The following DYNC1LI1 variants were observed in gnomAD, a reference collection of about 807,000 sequenced individuals.
DYNC1LI1 encodes the protein cytoplasmic dynein 1 light intermediate chain 1.
A neutral mutation model predicts 63.8 loss-of-function variants in DYNC1LI1; 19 were observed. The ratio of observed to expected loss-of-function variants is 0.30; its 90% CI spans 0.21 to 0.44. DYNC1LI1 has a LOEUF of 0.44. Ranked by LOEUF, DYNC1LI1 falls within the 20% of genes least tolerant of loss-of-function variation. The probability of loss-of-function intolerance (pLI) is 1.00; values close to 1 mark genes in which losing one functional copy is unlikely to be tolerated. For synonymous variants in DYNC1LI1, 225 were observed against 232.3 expected, an observed-to-expected ratio of 0.97 and a Z score of 0.28; for missense variants, 565 against 630.2, an observed-to-expected ratio of 0.90 and a Z score of 1.11.
intron 7 of DYNC1LI1, 141 bp from the exon 8 acceptor site, chr3:32,533,238 C>T: frequency 7.7e-7 from 1 of 1,305,350 alleles, no homozygotes; most frequent in Non-Finnish European, 9.8e-7. Context: ...ATTATGATGT[C>T]CACGTTTTAC....
rs58724831 is a variant in DYNC1LI1 at position 32,537,971 on chromosome 3, T to TAATTTATATATATAATATATATATA, written c.739-868_739-867insTATATATATATTATATATATAAATT. Among the ~76,000 whole-genome samples the TAATTTATATATATAATATATATATA allele has an allele frequency of 3.4e-4, 12 of 34,892 alleles. 2 individuals carry two copies. The highest frequency in any genetic ancestry group is 1.5e-3 in the East Asian group (2 of 1,332). 22.9% of individuals were successfully genotyped at this position (34,892 alleles called of 152,430 possible). A position where few individuals can be genotyped will look rare whatever the true frequency, so the allele number is the denominator to read the frequency against. On this transcript the variant is annotated intron_variant, in intron 5 of 12. Transcript: ENST00000273130. ...ATAATTTATATATATAATATATATA[T>TAATTTATATATATAATATATATATA]ATTTATATATAATATATATATATAA...
intron 2 of DYNC1LI1, among the ~76,000 whole-genome samples, chr3:32,558,738 A>C (rs1698150110): frequency 6.6e-6 from 1 of 151,926 alleles, no homozygotes; most frequent in Non-Finnish European, 1.5e-5. Flanking sequence ...CCAGCTACTC[A>C]GGAAGGCTGA....
At chr3:32,556,199 C>G (rs552796189) in intron 2 of DYNC1LI1, among the ~76,000 whole-genome samples, 7 of 152,192 alleles carry the variant, frequency 4.6e-5, no homozygotes, top group Non-Finnish European at 1.0e-4. Flanking sequence ...TTCCCCTCAC[C>G]TGGGAGAACG....
At chr3:32,570,121 C>CG in intron 2 of DYNC1LI1, 1 of 679,202 alleles carries the variant, frequency 1.5e-6, no homozygotes, top group East Asian at 2.8e-5. Flanking sequence ...CCCCATATAC[C>CG]GGGGAGGAGG....
chr3:32,540,575 G>A lies in DYNC1LI1; in HGVS notation c.738+462C>T, dbSNP rs1244994721. On this transcript the variant is annotated intron_variant, in intron 5 of 12. Transcript: ENST00000273130. Reference sequence around the variant, plus strand: ...GGGTGCCTGTAATCCCAGCTACTACGGAGGCTGAGGCAGGAGAATTGCTTT... The same window carrying A: ...GGGTGCCTGTAATCCCAGCTACTACAGAGGCTGAGGCAGGAGAATTGCTTT... Among the ~76,000 whole-genome samples the A allele has an allele frequency of 4.6e-5, 7 of 151,682 alleles. No individual in the cohort carries two copies. The East Asian group carries it at 9.7e-4, about 21-fold the overall frequency.
chr3:32,556,873 T>C (rs987443031), intron 2 of DYNC1LI1, among the ~76,000 whole-genome samples: 4 of 152,202 alleles, frequency 2.6e-5, no homozygotes, highest in Non-Finnish European at 5.9e-5. Context: ...CAATCTCTAT[T>C]TTCATAATAT....
chr3:32,554,863 ATTTTTTTTT>A (rs11434502), intron 2 of DYNC1LI1, among the ~76,000 whole-genome samples: 70 of 104,734 alleles, frequency 6.7e-4, no homozygotes, highest in Admixed American at 2.8e-3. Flanking sequence ...AAATTTTTGA[ATTTTTTTTT>A]TTTTTTTTTT....
intron 7 of DYNC1LI1, among the ~76,000 whole-genome samples, chr3:32,533,689 C>T (rs1193826444): frequency 6.6e-6 from 1 of 151,602 alleles, no homozygotes; most frequent in African/African-American, 2.4e-5. Context: ...CCTCAGCCTC[C>T]CAAGTAGCTG....
Position 32,544,980 on chromosome 3 carries a change from G to A in DYNC1LI1, c.464C>T (p.Pro155Leu). 1.2e-6 allele frequency: 2 copies of A among 1,613,952 alleles called. No individual in the cohort carries two copies. The highest frequency in any genetic ancestry group is 2.2e-5 in the East Asian group (1 of 44,866). ...LVMLVVDMSK[P>L]WTALDSLQKW... Reference sequence around the variant, plus strand: ...CTGTAAAGAATCCAAAGCAGTCCAAGGCTTTGACATGTCAACAACCAGCAT... The same window carrying A: ...CTGTAAAGAATCCAAAGCAGTCCAAAGCTTTGACATGTCAACAACCAGCAT... Residue 155 changes from proline (P) to leucine (L), a missense_variant, in exon 4 of 13, where the codon CCT (proline) becomes CTT (leucine). Coordinates refer to ENST00000273130, the MANE Select transcript of DYNC1LI1 (RefSeq NM_016141.4).
chr3:32,537,183 G>C (rs763024537), intron 5 of DYNC1LI1, 79 bp from the exon 6 acceptor site: 1 of 742,460 alleles, frequency 1.3e-6, no homozygotes, highest in Non-Finnish European at 2.1e-6. Context: ...GTTCAATTCT[G>C]GATAGGGGAA....
rs1697945121 is a variant in DYNC1LI1, at chr3:32,545,856, G to A, written c.330C>T (p.Asp110=). The A allele has an allele frequency of 1.3e-6, 2 of 1,596,938 alleles. No individual in the cohort carries two copies. Among genetic ancestry groups the A allele is most frequent in the Middle Eastern group, 1.7e-4 (1 of 6,030 alleles). The change falls in exon 3 of 13, where the codon GAC becomes GAT. Residue 110 remains aspartate (D), a synonymous_variant. Coordinates refer to ENST00000273130, the MANE Select transcript of DYNC1LI1 (RefSeq NM_016141.4). ...EYLYLNVHDE[D]RDDQTRCNVW... ...GTTACAAATGACACTCACCATCCCT[G>A]TCTTCATCATGCACATTTAAGTACA... is the stretch of plus-strand genomic sequence containing the variant.
rs1559436147 is a variant in DYNC1LI1, at chr3:32,537,928, TATATATATAA to T, written c.739-834_739-825del. ...ATATATATATAATTTATATATATAA[TATATATATAA>T]TATATATATAATTTATATATATAAT... On this transcript the variant is annotated intron_variant, in intron 5 of 12. Transcript: ENST00000273130. Among the ~76,000 whole-genome samples, 154 of 19,896 alleles carry T rather than the reference TATATATATAA, an allele frequency of 7.7e-3. 9 individuals carry two copies. The highest frequency in any genetic ancestry group is 0.052 in the East Asian group (50 of 964). 13.1% of individuals were successfully genotyped at this position (19,896 alleles called of 152,430 possible).
chr3:32,528,347 T>C (rs1387814290), intron 12 of DYNC1LI1, 99 bp downstream of exon 12: 3 of 1,394,362 alleles, frequency 2.2e-6, no homozygotes, highest in South Asian at 1.2e-5. Flanking sequence ...TTAGCAAAGA[T>C]ACCAAAACCA....
At chr3:32,538,035 A>ATATATATATAATTTATATATAT (rs1697819264) in intron 5 of DYNC1LI1, among the ~76,000 whole-genome samples, 1 of 8,244 alleles carries the variant, frequency 1.2e-4, no homozygotes, top group Non-Finnish European at 1.6e-4. Context: ...TATATATATA[A>ATATATATATAATTTATATATAT]TATATATATA....
intron 2 of DYNC1LI1, among the ~76,000 whole-genome samples, chr3:32,551,748 G>T (rs1698045523): frequency 6.6e-6 from 1 of 152,186 alleles, no homozygotes; most frequent in African/African-American, 2.4e-5. Context: ...AAGACTGCCT[G>T]GCTATAACTT....
rs760731349 is a variant in DYNC1LI1, at chr3:32,570,818, G to T, written c.-48C>A. 2.2e-5 allele frequency: 35 copies of T among 1,569,142 alleles called. 1 individual carries two copies. The highest frequency in any genetic ancestry group is 2.0e-4 in the South Asian group (17 of 87,084). ...CCCGGCAAGACTAAATGTGCGAGGC[G>T]GCTGAGGCGGTGGCGGTGGAGGCGG... On this transcript the variant is annotated 5_prime_UTR_variant, in exon 1 of 13. Coordinates refer to ENST00000273130, the MANE Select transcript of DYNC1LI1 (RefSeq NM_016141.4).
chr3:32,537,913 A>G (rs1343206346), intron 5 of DYNC1LI1, among the ~76,000 whole-genome samples: 1 of 72,812 alleles, frequency 1.4e-5, no homozygotes, highest in African/African-American at 6.8e-5. Context: ...ATATATATAT[A>G]ATTTATATAT....
chr3:32,558,487 G>A (rs1426596724), intron 2 of DYNC1LI1, among the ~76,000 whole-genome samples: 2 of 150,970 alleles, frequency 1.3e-5, no homozygotes, highest in African/African-American at 2.4e-5. Context: ...GGGTGATACT[G>A]CTTTATCTCC....
At position 32,570,247 on chromosome 3, in the gene DYNC1LI1, C is replaced by T. The variant is rs560816328; in HGVS notation, c.220+99G>A. Reference sequence around the variant, plus strand: ...GAGGCGAGGCGGGGCGGGGCTGGGCCGGCTGTCCGCACAAAGAGAGCCAGC... The same window carrying T: ...GAGGCGAGGCGGGGCGGGGCTGGGCTGGCTGTCCGCACAAAGAGAGCCAGC... On this transcript the variant is annotated intron_variant, in intron 2 of 12. Coordinates refer to ENST00000273130, the MANE Select transcript of DYNC1LI1 (RefSeq NM_016141.4). 2,054 of 982,412 alleles carry T rather than the reference C, an allele frequency of 2.1e-3. 35 individuals are homozygous for T. In the African/African-American group the frequency reaches 0.029, roughly 14 times the overall value. The allele number at this position is 982,412 out of a possible 1,614,324, so 60.9% of individuals were successfully genotyped here.
Sources: allele counts gnomAD v4.1 joint callset (sites outside exome capture counted in the v4.1 genomes callset), GRCh38; gene constraint gnomAD v4.1.1; transcripts MANE v1.5; gene names NCBI Gene and HGNC (gene_info 2026-07-23, HGNC 2026-07-21).